UNC13C: variants seen among roughly 807,000 people sequenced by gnomAD.
The protein encoded by UNC13C is protein unc-13 homolog C.
A neutral mutation model predicts 245.4 loss-of-function variants in UNC13C; 174 were observed. The ratio of observed to expected loss-of-function variants is 0.71; its 90% CI spans 0.63 to 0.80. The LOEUF (loss-of-function observed/expected upper bound fraction) is 0.80. UNC13C is among the 30% of genes least tolerant of loss of function. UNC13C has a pLI of 0.00. For missense variants in UNC13C, 2,829 were observed against 2,602.9 expected (o/e 1.09, Z -1.89); for synonymous variants, 992 against 895.1 (o/e 1.11, Z -1.93).
At chr15:54,569,586 A>G (rs1897663078) in intron 30 of UNC13C, among the ~76,000 whole-genome samples, 1 of 151,428 alleles carries the variant, frequency 6.6e-6, no homozygotes, top group East Asian at 1.9e-4. Context: ...ACATCTATGT[A>G]TGTTTGTTTG....
At chr15:54,354,511 C>T (rs925977478) in intron 17 of UNC13C, among the ~76,000 whole-genome samples, 2 of 152,174 alleles carry the variant, frequency 1.3e-5, no homozygotes, top group Non-Finnish European at 2.9e-5. Context: ...TCTCCATCTG[C>T]TTGCAAAGCA....
intron 30 of UNC13C, chr15:54,611,776 A>G (rs1253146854): frequency 6.6e-6 from 1 of 152,160 alleles, no homozygotes; most frequent in East Asian, 1.9e-4. Context: ...AAAAAGTAAC[A>G]TGGAATTGGA....
chr15:54,391,647 G>C (rs1041297300), intron 17 of UNC13C, among the ~76,000 whole-genome samples: 1 of 151,976 alleles, frequency 6.6e-6, no homozygotes, highest in Non-Finnish European at 1.5e-5. Context: ...AGTATTTTGT[G>C]TCAGCCACTA....
intron 30 of UNC13C, among the ~76,000 whole-genome samples, chr15:54,578,850 C>T (rs1323566131): frequency 2.6e-5 from 4 of 152,196 alleles, no homozygotes; most frequent in African/African-American, 9.7e-5. Context: ...ACTAAAATTA[C>T]AAGAATTAGC....
chr15:53,958,367 C>T, the UNC13C span, among the ~76,000 whole-genome samples: 2 of 152,142 alleles, frequency 1.3e-5, no homozygotes, highest in African/African-American at 4.8e-5. Context: ...TCTTTGTTTT[C>T]TCCACTACCA....
intron 4 of UNC13C, among the ~76,000 whole-genome samples, chr15:54,196,507 C>G (rs545581243): frequency 8.5e-5 from 13 of 152,190 alleles, no homozygotes; most frequent in Non-Finnish European, 1.3e-4. Flanking sequence ...CCTTAGTACC[C>G]AAATCAGATA....
intron 7 of UNC13C, among the ~76,000 whole-genome samples, chr15:54,242,079 C>T (rs1191611485): frequency 6.6e-6 from 1 of 152,160 alleles, no homozygotes; most frequent in African/African-American, 2.4e-5. Context: ...CATATTTTTG[C>T]ATCTACTTTG....
chr15:54,025,557 A>G (rs1310745966), intron 2 of UNC13C, among the ~76,000 whole-genome samples: 1 of 152,188 alleles, frequency 6.6e-6, no homozygotes, highest in Non-Finnish European at 1.5e-5. Flanking sequence ...CAGTATTTGT[A>G]CTTTGGCGTT....
At chr15:54,246,414 T>G (rs1023900614) in intron 7 of UNC13C, among the ~76,000 whole-genome samples, 1 of 28,312 alleles carries the variant, frequency 3.5e-5, no homozygotes, top group Admixed American at 3.0e-4. Context: ...GAAAATAATG[T>G]TTTTTTTTTT....
In UNC13C at chr15:54,013,581, G is replaced by A. The variant is rs1050322236; in HGVS notation, c.678G>A (p.Leu226=). ...TCCGAAACCCAAAGACAAATGCCCTGGAGCCAGGGTTCAGTTCCTCTGGCT... is the reference window on the plus strand; with the variant it reads ...TCCGAAACCCAAAGACAAATGCCCTAGAGCCAGGGTTCAGTTCCTCTGGCT... The part of the protein sequence containing the change: ...RTVRNPKTNA[L]EPGFSSSGCI... Residue 226 remains leucine (L), a synonymous_variant, in exon 2 of 33, where the codon CTG becomes CTA. Coordinates refer to ENST00000260323, the MANE Select transcript of UNC13C (RefSeq NM_001080534.3). 6.2e-7 allele frequency: 1 copy of A among 1,613,616 alleles called. No homozygotes were observed. Among genetic ancestry groups the A allele is most frequent in the Admixed American group, 1.7e-5 (1 of 59,952 alleles).
chr15:53,875,494 A>G, the UNC13C span, among the ~76,000 whole-genome samples: 14 of 152,248 alleles, frequency 9.2e-5, no homozygotes, highest in African/African-American at 3.4e-4. Flanking sequence ...GTTGCTGGTA[A>G]GGTGATTTGA....
At chr15:54,595,436 G>A (rs186474384) in intron 30 of UNC13C, among the ~76,000 whole-genome samples, 47 of 152,010 alleles carry the variant, frequency 3.1e-4, no homozygotes, top group Admixed American at 2.3e-3. Context: ...GGTGTCGCCC[G>A]GTCCCTGCAG....
At chr15:54,017,462 G>A (rs2140998305) in intron 2 of UNC13C, among the ~76,000 whole-genome samples, 1 of 151,406 alleles carries the variant, frequency 6.6e-6, no homozygotes, top group South Asian at 2.1e-4. Context: ...AAAGGCAAAT[G>A]AAGACTAAGA....
At chr15:54,502,534 C>T (rs143357307) in intron 22 of UNC13C, among the ~76,000 whole-genome samples, 4 of 152,036 alleles carry the variant, frequency 2.6e-5, no homozygotes, top group South Asian at 2.1e-4. Flanking sequence ...CCCAATATAG[C>T]GAAATCTGTA....
rs188702608 is a variant in UNC13C, at chr15:54,462,312, T to A, written c.4934-32296T>A. On this transcript the variant is annotated intron_variant, in intron 19 of 32. Transcript: ENST00000260323. ...GGTGACAATGTGCTGGTGGCCCTCA[T>A]TCGCTCTCAGTGCCTCCTTCGCCTA... 2.6e-3 allele frequency among the ~76,000 whole-genome samples: 392 copies of A among 152,346 alleles called. 2 individuals carry two copies. Among genetic ancestry groups the A allele is most frequent in the African/African-American group, 9.0e-3 (375 of 41,596 alleles).
At chr15:54,611,844 A>AT (rs1303201978) in intron 30 of UNC13C, among the ~76,000 whole-genome samples, 23 of 152,216 alleles carry the variant, frequency 1.5e-4, no homozygotes, top group African/African-American at 5.3e-4. Context: ...CTTGTGTTAT[A>AT]TTTTTTGTAA....
chr15:54,304,618 T>C (rs1263125339), intron 13 of UNC13C, among the ~76,000 whole-genome samples: 2 of 148,980 alleles, frequency 1.3e-5, no homozygotes, highest in Admixed American at 6.8e-5. Context: ...AAACTTACAA[T>C]TGTAAATTCT....
the UNC13C span, among the ~76,000 whole-genome samples, chr15:53,859,686 C>A: frequency 6.6e-6 from 1 of 152,096 alleles, no homozygotes; most frequent in Non-Finnish European, 1.5e-5. Context: ...AACTTCCAAC[C>A]CCGTATTCAG....
intron 13 of UNC13C, among the ~76,000 whole-genome samples, chr15:54,302,768 C>A (rs2037621930): frequency 6.6e-6 from 1 of 151,908 alleles, no homozygotes; most frequent in African/African-American, 2.4e-5. Context: ...TTTTTTTATT[C>A]CATATGAAAT....
Sources: allele counts gnomAD v4.1 joint callset (sites outside exome capture counted in the v4.1 genomes callset), GRCh38; gene constraint gnomAD v4.1.1; transcripts MANE v1.5; gene names NCBI Gene and HGNC (gene_info 2026-07-23, HGNC 2026-07-21).